EPM2A: variants seen among roughly 807,000 people sequenced by gnomAD.
EPM2A encodes laforin.
EPM2A carries 21 observed loss-of-function variants against 26.5 expected under a neutral mutation model. The observed-to-expected ratio is 0.79, with a 90% CI of 0.56 to 1.14. The LOEUF (loss-of-function observed/expected upper bound fraction) is 1.14. EPM2A is among the 50% of genes most tolerant of loss of function. The pLI, the probability that EPM2A is intolerant of heterozygous loss-of-function variation, is 0.00. For missense variants in EPM2A, 458 were observed against 440.8 expected (o/e 1.04, Z -0.35); for synonymous variants, 217 against 177.6 (o/e 1.22, Z -1.76).
intron 1 of EPM2A, among the ~76,000 whole-genome samples, chr6:145,697,927 G>C (rs1015436222): frequency 1.3e-5 from 2 of 152,166 alleles, no homozygotes; most frequent in African/African-American, 4.8e-5. Context: ...CTCAGCTTAC[G>C]AAGATGATGG....
chr6:145,689,183 T>A (rs981325503), intron 1 of EPM2A, among the ~76,000 whole-genome samples: 1 of 152,252 alleles, frequency 6.6e-6, no homozygotes, highest in Non-Finnish European at 1.5e-5. Context: ...GCAACATTTT[T>A]AAAAGTCTTT....
intron 4 of EPM2A, among the ~76,000 whole-genome samples, chr6:145,439,075 G>A (rs1451567679): frequency 2.0e-5 from 3 of 152,102 alleles, no homozygotes; most frequent in Non-Finnish European, 4.4e-5. Context: ...TTGGTTTGCT[G>A]TTCCTGCATT....
chr6:145,643,561 T>C (rs1287307377), intron 2 of EPM2A, among the ~76,000 whole-genome samples: 4 of 152,220 alleles, frequency 2.6e-5, no homozygotes, highest in African/African-American at 9.6e-5. Context: ...ATATCCACTG[T>C]AGACAAAGTA....
At position 145,635,382 on chromosome 6, in the gene EPM2A, G is replaced by C; in HGVS notation, c.581C>G (p.Thr194Ser). 1 of 1,614,144 alleles carries C rather than the reference G, an allele frequency of 6.2e-7. No individual in the cohort carries two copies. Among genetic ancestry groups the C allele is most frequent in the Non-Finnish European group, 8.5e-7 (1 of 1,180,012 alleles). ...GGAATTCTGTACAATATCCCATTCA[G>C]TCTGGAAATTCATTACAGCTGTAAT... The part of the protein sequence containing the change: ...LGITAVMNFQ[T>S]EWDIVQNSSG... The change falls in exon 3 of 4, where the codon ACT becomes AGT. Residue 194 changes from threonine to serine, a missense_variant. Transcript: ENST00000367519.
intron 2 of EPM2A, among the ~76,000 whole-genome samples, chr6:145,609,859 T>C (rs1775352714): frequency 6.6e-6 from 1 of 152,138 alleles, no homozygotes; most frequent in African/African-American, 2.4e-5. Flanking sequence ...AAACAGACAG[T>C]TACTTTGGAA....
chr6:145,683,494 G>A (rs911038294), intron 2 of EPM2A, among the ~76,000 whole-genome samples: 1 of 151,938 alleles, frequency 6.6e-6, no homozygotes, highest in East Asian at 1.9e-4. Context: ...GTAGGATAGA[G>A]ACTTGGATGT....
At chr6:145,661,987 C>T (rs888183784) in intron 2 of EPM2A, among the ~76,000 whole-genome samples, 2 of 152,158 alleles carry the variant, frequency 1.3e-5, no homozygotes, top group South Asian at 2.1e-4. Flanking sequence ...TATTTCCAAA[C>T]GTCTGGTAAC....
intron 2 of EPM2A, among the ~76,000 whole-genome samples, chr6:145,524,920 TA>T (rs1018548637): frequency 1.8e-4 from 27 of 152,208 alleles, no homozygotes; most frequent in African/African-American, 6.5e-4. Context: ...TTTAAATATT[TA>T]ATTCATGTTG....
At chr6:145,720,373 C>T (rs1775889694) in intron 1 of EPM2A, among the ~76,000 whole-genome samples, 2 of 152,240 alleles carry the variant, frequency 1.3e-5, no homozygotes, top group South Asian at 4.1e-4. Flanking sequence ...CATTTACAAG[C>T]AATACTCATA....
chr6:145,401,440 C>T (rs767312901), intron 4 of EPM2A, among the ~76,000 whole-genome samples: 3 of 152,112 alleles, frequency 2.0e-5, no homozygotes, highest in Non-Finnish European at 2.9e-5. Flanking sequence ...TTTCCAATTA[C>T]TCTTCTTGTT....
intron 2 of EPM2A, among the ~76,000 whole-genome samples, chr6:145,653,865 CTAGAATAA>C (rs1393277973): frequency 5.9e-5 from 9 of 152,216 alleles, no homozygotes; most frequent in Admixed American, 5.9e-4. Flanking sequence ...AACACCTTCA[CTAGAATAA>C]TGTTTGACTG....
At position 145,626,417 on chromosome 6, in the gene EPM2A, C is replaced by T; in HGVS notation, c.*999G>A. On this transcript the variant is annotated 3_prime_UTR_variant, in exon 4 of 4. Coordinates refer to ENST00000367519, the MANE Select transcript of EPM2A (RefSeq NM_005670.4). Reference sequence around the variant, plus strand: ...ATAGTTCCTCTCATGAATTTCCACTCTGGTCTTAAAACAGCCCATCATGTT... The same window carrying T: ...ATAGTTCCTCTCATGAATTTCCACTTTGGTCTTAAAACAGCCCATCATGTT... The T allele has an allele frequency of 1.0e-6, 1 of 985,944 alleles. No homozygotes were observed. The highest frequency in any genetic ancestry group is 1.2e-6 in the Non-Finnish European group (1 of 830,000). The allele number at this position is 985,944 out of a possible 1,614,324, so 61.1% of individuals were successfully genotyped here. A position where few individuals can be genotyped will look rare whatever the true frequency, so the allele number is the denominator to read the frequency against.
chr6:145,480,834 T>A (rs1321836973), intron 4 of EPM2A, among the ~76,000 whole-genome samples: 1 of 152,182 alleles, frequency 6.6e-6, no homozygotes, highest in Non-Finnish European at 1.5e-5. Flanking sequence ...TTTTGGGGTT[T>A]AAATGTATTA....
At chr6:145,469,648 A>T (rs926950220) in intron 4 of EPM2A, among the ~76,000 whole-genome samples, 1 of 152,116 alleles carries the variant, frequency 6.6e-6, no homozygotes, top group Admixed American at 6.6e-5. Flanking sequence ...GGGTCGTACA[A>T]TCCAGGAATC....
chr6:145,455,675 G>A (rs768952388), intron 4 of EPM2A, among the ~76,000 whole-genome samples: 1 of 152,112 alleles, frequency 6.6e-6, no homozygotes, highest in South Asian at 2.1e-4. Flanking sequence ...AAAATTTTCA[G>A]TATATAAAAT....
chr6:145,585,444 A>G (rs1247296305), intron 2 of EPM2A, among the ~76,000 whole-genome samples: 1 of 152,070 alleles, frequency 6.6e-6, no homozygotes, highest in Non-Finnish European at 1.5e-5. Context: ...TTCATTTTAG[A>G]AAGTTTCTAT....
At chr6:145,458,826 A>T (rs1779294415) in intron 4 of EPM2A, among the ~76,000 whole-genome samples, 1 of 145,234 alleles carries the variant, frequency 6.9e-6, no homozygotes, top group Non-Finnish European at 1.5e-5. Flanking sequence ...ACTAGCATAA[A>T]TTTCCCTGCT....
intron 4 of EPM2A, among the ~76,000 whole-genome samples, chr6:145,482,003 A>G (rs1203391014): frequency 3.3e-5 from 5 of 152,172 alleles, no homozygotes; most frequent in African/African-American, 9.6e-5. Context: ...CAACAGAAAA[A>G]TCTACACTAC....
At chr6:145,700,534 A>G (rs1781853049) in intron 1 of EPM2A, among the ~76,000 whole-genome samples, 1 of 152,172 alleles carries the variant, frequency 6.6e-6, no homozygotes, top group Non-Finnish European at 1.5e-5. Context: ...TTCATTTCGT[A>G]TACCTTAAAG....
Sources: allele counts gnomAD v4.1 joint callset (sites outside exome capture counted in the v4.1 genomes callset), GRCh38; gene constraint gnomAD v4.1.1; transcripts MANE v1.5; gene names NCBI Gene and HGNC (gene_info 2026-07-23, HGNC 2026-07-21).